Variants in ADGRB3 observed in about 807,000 individuals in gnomAD.
The protein encoded by ADGRB3 is adhesion G protein-coupled receptor B3, also known as brain-specific angiogenesis inhibitor 3.
ADGRB3 carries 37 observed loss-of-function variants against 193.4 expected under a neutral mutation model. The observed-to-expected ratio is 0.19, with a 90% CI of 0.15 to 0.25. The LOEUF (loss-of-function observed/expected upper bound fraction) is 0.25. Ranked by LOEUF, ADGRB3 falls within the 10% of genes least tolerant of loss-of-function variation. ADGRB3 has a pLI of 1.00. For missense variants in ADGRB3, 1,637 were observed against 1,852.9 expected, an observed-to-expected ratio of 0.88 and a Z score of 2.14; for synonymous variants, 690 against 644.2, an observed-to-expected ratio of 1.07 and a Z score of -1.08.
intron 3 of ADGRB3, among the ~76,000 whole-genome samples, chr6:68,890,540 G>T (rs746618783): frequency 1.3e-5 from 2 of 152,120 alleles, no homozygotes; most frequent in Non-Finnish European, 2.9e-5. Flanking sequence ...TAATGAATTT[G>T]TGGTTATTTG....
At chr6:68,661,624 A>C (rs1168278784) in intron 3 of ADGRB3, among the ~76,000 whole-genome samples, 2 of 144,962 alleles carry the variant, frequency 1.4e-5, no homozygotes, top group African/African-American at 5.0e-5. Context: ...GATTGGCAGG[A>C]ATATAATTTG....
chr6:69,235,539 A>ACTT (rs1309500528), intron 19 of ADGRB3, among the ~76,000 whole-genome samples: 4 of 152,084 alleles, frequency 2.6e-5, no homozygotes, highest in Non-Finnish European at 4.4e-5. Flanking sequence ...GATCTCAAGT[A>ACTT]CTTAAGTTTC....
At chr6:69,285,972 G>A (rs1252756926) in intron 20 of ADGRB3, among the ~76,000 whole-genome samples, 3 of 152,012 alleles carry the variant, frequency 2.0e-5, no homozygotes, top group Non-Finnish European at 4.4e-5. Context: ...GGAGGCAAAG[G>A]TTTCATGCCT....
intron 3 of ADGRB3, among the ~76,000 whole-genome samples, chr6:68,900,350 T>G (rs1266251002): frequency 1.3e-5 from 2 of 152,086 alleles, no homozygotes; most frequent in African/African-American, 4.8e-5. Flanking sequence ...CTGTAGAGAT[T>G]CAAAGGCTAT....
chr6:68,740,629 C>G (rs1455997070), intron 3 of ADGRB3, among the ~76,000 whole-genome samples: 1 of 152,032 alleles, frequency 6.6e-6, no homozygotes, highest in South Asian at 2.1e-4. Flanking sequence ...CTTGTATGGG[C>G]CACAATGTCA....
chr6:68,909,313 C>T (rs939234948), intron 3 of ADGRB3, among the ~76,000 whole-genome samples: 5 of 152,074 alleles, frequency 3.3e-5, no homozygotes, highest in Non-Finnish European at 1.5e-5. Flanking sequence ...GAAAACAACA[C>T]CCTGCCTGTG....
Position 69,361,404 on chromosome 6 carries a change from C to T in ADGRB3, c.4131C>T (p.Pro1377=). The change falls in exon 29 of 32, where the codon CCC becomes CCT. Residue 1377 remains proline, a synonymous_variant. Coordinates refer to ENST00000370598, the MANE Select transcript of ADGRB3 (RefSeq NM_001704.3). ...LAPQEHMQNL[P]FEPRTAVKNF... ...CCCAGGAACATATGCAGAATTTGCC[C>T]TTTGAACCTCGCACAGCTGTGAAGA... 3 of 1,612,948 alleles carry T rather than the reference C, an allele frequency of 1.9e-6. No homozygotes were observed. Among genetic ancestry groups the T allele is most frequent in the East Asian group, 2.2e-5 (1 of 44,854 alleles).
intron 17 of ADGRB3, among the ~76,000 whole-genome samples, chr6:69,160,648 C>G (rs528222311): frequency 2.2e-4 from 34 of 152,180 alleles, no homozygotes; most frequent in African/African-American, 8.2e-4. Flanking sequence ...CTTTCCCCAG[C>G]TAGAATGTAA....
intron 12 of ADGRB3, among the ~76,000 whole-genome samples, chr6:69,015,424 T>G (rs184075650): frequency 6.6e-6 from 1 of 152,126 alleles, no homozygotes. Flanking sequence ...TAATGATCCT[T>G]AATGCTGTTT....
chr6:68,996,310 T>G (rs1769380959), intron 11 of ADGRB3, among the ~76,000 whole-genome samples: 1 of 152,168 alleles, frequency 6.6e-6, no homozygotes, highest in Non-Finnish European at 1.5e-5. Flanking sequence ...ACATGATTTC[T>G]GTGGCCTCTT....
chr6:69,095,976 G>A (rs1429550867), intron 17 of ADGRB3, among the ~76,000 whole-genome samples: 6 of 152,154 alleles, frequency 3.9e-5, no homozygotes, highest in African/African-American at 1.4e-4. Context: ...ATAATCTAAT[G>A]TAAGACCAGA....
At chr6:68,996,114 A>G (rs1456744641) in intron 11 of ADGRB3, among the ~76,000 whole-genome samples, 1 of 152,088 alleles carries the variant, frequency 6.6e-6, no homozygotes, top group Non-Finnish European at 1.5e-5. Flanking sequence ...CTTAATTCCA[A>G]GTTTTCTTGC....
At chr6:68,853,367 A>G (rs1475219969) in intron 3 of ADGRB3, among the ~76,000 whole-genome samples, 2 of 152,180 alleles carry the variant, frequency 1.3e-5, no homozygotes, top group South Asian at 4.1e-4. Flanking sequence ...CTTAATAACC[A>G]TAAGTTGAAA....
chr6:69,284,844 C>T (rs1487858441), intron 20 of ADGRB3, among the ~76,000 whole-genome samples: 2 of 151,916 alleles, frequency 1.3e-5, no homozygotes, highest in African/African-American at 4.8e-5. Context: ...TTGTAATGGG[C>T]TTTCTGGTAG....
chr6:69,167,691 A>G (rs925115213), intron 17 of ADGRB3, among the ~76,000 whole-genome samples: 1 of 152,288 alleles, frequency 6.6e-6, no homozygotes, highest in South Asian at 2.1e-4. Context: ...CTTGTGCTAC[A>G]TTCCTGAAAA....
intron 29 of ADGRB3, among the ~76,000 whole-genome samples, chr6:69,365,093 C>T (rs919937873): frequency 6.6e-6 from 1 of 152,016 alleles, no homozygotes; most frequent in Non-Finnish European, 1.5e-5. Context: ...CATTTTTTCA[C>T]TCAAGAGTCT....
At chr6:68,814,126 C>A (rs1008004468) in intron 3 of ADGRB3, among the ~76,000 whole-genome samples, 2 of 152,260 alleles carry the variant, frequency 1.3e-5, no homozygotes, top group Admixed American at 6.5e-5. Flanking sequence ...CCTGAGGAAT[C>A]GCCACACTGA....
At chr6:68,735,331 C>T (rs779613046) in intron 3 of ADGRB3, among the ~76,000 whole-genome samples, 14 of 151,552 alleles carry the variant, frequency 9.2e-5, no homozygotes, top group Non-Finnish European at 1.6e-4. Flanking sequence ...CTTGGAATAG[C>T]TAACATATTT....
At chr6:68,681,749 G>C (rs553224685) in intron 3 of ADGRB3, among the ~76,000 whole-genome samples, 1 of 152,228 alleles carries the variant, frequency 6.6e-6, no homozygotes, top group South Asian at 2.1e-4. Context: ...AATAGGACTA[G>C]GCACTAGGTT....
Sources: allele counts gnomAD v4.1 joint callset (sites outside exome capture counted in the v4.1 genomes callset), GRCh38; gene constraint gnomAD v4.1.1; transcripts MANE v1.5; gene names NCBI Gene and HGNC (gene_info 2026-07-23, HGNC 2026-07-21).